The following GRB14 variants were observed in gnomAD, a reference collection of about 807,000 sequenced individuals.
The protein encoded by GRB14 is growth factor receptor bound protein 14.
A neutral mutation model predicts 69.1 loss-of-function variants in GRB14; 38 were observed. That is an observed-to-expected ratio of 0.55 (90% CI 0.42 to 0.72). The LOEUF (loss-of-function observed/expected upper bound fraction) is 0.72. GRB14 is among the 30% of genes least tolerant of loss of function. The pLI is 0.00. For missense variants in GRB14, 666 were observed against 666.1 expected (o/e 1.00, Z 0.00); for synonymous variants, 247 against 241.3 (o/e 1.02, Z -0.22).
chr2:164,550,065 T>A (rs984298826), intron 2 of GRB14, among the ~76,000 whole-genome samples: 1 of 152,280 alleles, frequency 6.6e-6, no homozygotes, highest in African/African-American at 2.4e-5. Context: ...ATCTCAGGTA[T>A]GAATATTTCA....
At chr2:164,579,994 G>A (rs1195408798) in intron 2 of GRB14, among the ~76,000 whole-genome samples, 1 of 152,054 alleles carries the variant, frequency 6.6e-6, no homozygotes, top group East Asian at 1.9e-4. Flanking sequence ...ACTTAATAGA[G>A]TGCCATGAGC....
intron 2 of GRB14, among the ~76,000 whole-genome samples, chr2:164,548,388 G>A (rs1008450607): frequency 9.9e-5 from 15 of 150,786 alleles, no homozygotes; most frequent in African/African-American, 2.9e-4. Context: ...GTATCTGTAT[G>A]TGTGTGTGTG....
At chr2:164,547,903 C>T in intron 2 of GRB14, 87 bp from the exon 3 acceptor site, 2 of 814,780 alleles carry the variant, frequency 2.5e-6, no homozygotes, top group Non-Finnish European at 3.7e-6. Context: ...AAGTATACAA[C>T]ACGATATTAT....
intron 2 of GRB14, among the ~76,000 whole-genome samples, chr2:164,549,018 C>T (rs1039851189): frequency 6.6e-6 from 1 of 151,940 alleles, no homozygotes; most frequent in Admixed American, 6.6e-5. Flanking sequence ...GCTGGGATTA[C>T]AGGCATGCGC....
intron 2 of GRB14, among the ~76,000 whole-genome samples, chr2:164,550,964 C>T (rs1232959247): frequency 6.6e-6 from 1 of 152,162 alleles, no homozygotes; most frequent in Admixed American, 6.5e-5. Context: ...CCACCTTCAG[C>T]TCAGTGACAG....
chr2:164,511,242 C>T (rs1001202514), intron 6 of GRB14, among the ~76,000 whole-genome samples: 7 of 152,184 alleles, frequency 4.6e-5, no homozygotes, highest in African/African-American at 1.7e-4. Context: ...AAGCCATGCA[C>T]TTGGAGGGCA....
At chr2:164,556,103 T>C (rs1688672993) in intron 2 of GRB14, among the ~76,000 whole-genome samples, 1 of 152,136 alleles carries the variant, frequency 6.6e-6, no homozygotes, top group Non-Finnish European at 1.5e-5. Flanking sequence ...AACTCAGTAG[T>C]TCCCTTGAAA....
At chr2:164,586,632 T>G (rs1377220686) in intron 2 of GRB14, among the ~76,000 whole-genome samples, 1 of 152,196 alleles carries the variant, frequency 6.6e-6, no homozygotes, top group Non-Finnish European at 1.5e-5. Flanking sequence ...CTTTCAGAAA[T>G]GAGCCAGTGC....
chr2:164,572,094 G>T (rs1689137287), intron 2 of GRB14, among the ~76,000 whole-genome samples: 1 of 152,144 alleles, frequency 6.6e-6, no homozygotes, highest in Non-Finnish European at 1.5e-5. Flanking sequence ...CTGATGCAGG[G>T]TGACACATAA....
chr2:164,590,211 T>C (rs1333179401), intron 2 of GRB14, among the ~76,000 whole-genome samples: 2 of 152,236 alleles, frequency 1.3e-5, no homozygotes, highest in Non-Finnish European at 2.9e-5. Flanking sequence ...CAGAGCCTCA[T>C]TACTTTCTTC....
chr2:164,547,768 G>A lies in GRB14; in HGVS notation c.373C>T (p.Pro125Ser), dbSNP rs774281326. The A allele has an allele frequency of 6.2e-7, 1 of 1,613,748 alleles. No individual in the cohort carries two copies. The highest frequency in any genetic ancestry group is 8.5e-7 in the Non-Finnish European group (1 of 1,179,734). The change falls in exon 3 of 14, where the codon CCC becomes TCC. Residue 125 changes from proline to serine, a missense_variant. Pro to Ser is a moderately conservative substitution (Grantham distance 74). Coordinates refer to ENST00000263915, the MANE Select transcript of GRB14 (RefSeq NM_004490.3). ...EDETSRALDV[P>S]SDITARDVCQ... ...ACATCTCGAGCCGTTATGTCACTGG[G>A]TACATCTAAAGCCCTGCTGGTTTCA...
intron 2 of GRB14, among the ~76,000 whole-genome samples, chr2:164,564,015 T>C (rs1688900515): frequency 6.6e-6 from 1 of 152,160 alleles, no homozygotes; most frequent in African/African-American, 2.4e-5. Flanking sequence ...AGTGGTTGAA[T>C]TGACAAATGA....
intron 2 of GRB14, among the ~76,000 whole-genome samples, chr2:164,555,470 GA>G (rs1270540440): frequency 5.3e-5 from 8 of 151,020 alleles, no homozygotes; most frequent in Non-Finnish European, 8.9e-5. Context: ...GCAAGAGAAA[GA>G]AAAAAAAGAG....
intron 6 of GRB14, among the ~76,000 whole-genome samples, chr2:164,511,617 AAT>A (rs1687340329): frequency 6.6e-6 from 1 of 152,188 alleles, no homozygotes; most frequent in South Asian, 2.1e-4. Context: ...TCCAGGCAGT[AAT>A]CCATGGGACT....
chr2:164,611,449 T>A lies in GRB14; in HGVS notation c.324+8238A>T, dbSNP rs146414283. 5.7e-4 allele frequency among the ~76,000 whole-genome samples: 87 copies of A among 152,118 alleles called. 1 individual carries two copies. The East Asian group carries it at 0.016, about 28-fold the overall frequency. ...TTAACAAGAACAGAAAGTGGACTCC[T>A]TAAATTTTGGCTTAAGTAATCAAAT... On this transcript the variant is annotated intron_variant, in intron 2 of 13. Coordinates refer to ENST00000263915, the MANE Select transcript of GRB14 (RefSeq NM_004490.3).
Position 164,529,769 on chromosome 2 carries a change from T to C in GRB14, c.482-2634A>G, listed in dbSNP as rs367749822. Among the ~76,000 whole-genome samples, 8 of 152,322 alleles carry C rather than the reference T, an allele frequency of 5.3e-5. No homozygotes were observed. In the South Asian group the frequency reaches 1.4e-3, roughly 28 times the overall value. On this transcript the variant is annotated intron_variant, in intron 3 of 13. Transcript: ENST00000263915. ...TCTTCTAATCCAACGTGGACACCGATAGCATAGCAAACCTCCTAAAACATG... is the reference window on the plus strand; with the variant it reads ...TCTTCTAATCCAACGTGGACACCGACAGCATAGCAAACCTCCTAAAACATG...
At chr2:164,543,841 C>G (rs940042041) in intron 3 of GRB14, among the ~76,000 whole-genome samples, 1 of 152,024 alleles carries the variant, frequency 6.6e-6, no homozygotes, top group East Asian at 1.9e-4. Context: ...AAAACTAAAA[C>G]AAAAAACATT....
intron 2 of GRB14, among the ~76,000 whole-genome samples, chr2:164,565,624 T>C (rs1688951911): frequency 6.6e-6 from 1 of 152,110 alleles, no homozygotes; most frequent in African/African-American, 2.4e-5. Context: ...TACAACCTAG[T>C]GATGATCTGA....
chr2:164,589,375 C>T (rs1689607348), intron 2 of GRB14, among the ~76,000 whole-genome samples: 1 of 152,044 alleles, frequency 6.6e-6, no homozygotes, highest in South Asian at 2.1e-4. Flanking sequence ...TATGTTGTTA[C>T]AAAGGAATAC....
Sources: gnomAD v4.1 joint callset for allele counts (sites outside exome capture counted in the v4.1 genomes callset) on GRCh38, gnomAD v4.1.1 for gene constraint, MANE v1.5 for transcripts, NCBI Gene and HGNC (gene_info 2026-07-23, HGNC 2026-07-21) for gene names.